The following ATP8B4 variants were observed in gnomAD, a reference collection of about 807,000 sequenced individuals.
ATP8B4 encodes the protein ATPase phospholipid transporting 8B4 (putative), also known as probable phospholipid-transporting ATPase IM.
In ATP8B4, 133 loss-of-function variants were observed where a neutral mutation model predicts 145.6. The ratio of observed to expected loss-of-function variants is 0.91; its 90% confidence interval spans 0.79 to 1.05. The LOEUF is 1.05. ATP8B4 is among the 50% of genes least tolerant of loss of function. The pLI, the probability that ATP8B4 is intolerant of heterozygous loss-of-function variation, is 0.00. For synonymous variants in ATP8B4, 507 were observed against 492.9 expected, an observed-to-expected ratio of 1.03 and a Z score of -0.38; for missense variants, 1,458 against 1,425.2, an observed-to-expected ratio of 1.02 and a Z score of -0.37.
intron 9 of ATP8B4, among the ~76,000 whole-genome samples, chr15:49,988,668 C>T (rs1009119559): frequency 6.6e-6 from 1 of 152,138 alleles, no homozygotes; most frequent in African/African-American, 2.4e-5. Context: ...GGGACTGTAT[C>T]TTTAGCGCTG....
At chr15:49,933,314 A>G (rs1332692870) in intron 15 of ATP8B4, among the ~76,000 whole-genome samples, 1 of 152,124 alleles carries the variant, frequency 6.6e-6, no homozygotes, top group African/African-American at 2.4e-5. Context: ...GAAAGAACCA[A>G]AGACCTTGTA....
chr15:49,910,084 A>G (rs2039072138), intron 20 of ATP8B4, among the ~76,000 whole-genome samples: 1 of 152,176 alleles, frequency 6.6e-6, no homozygotes, highest in Admixed American at 6.5e-5. Flanking sequence ...ACAAAGATAA[A>G]CAATACAAAG....
chr15:50,067,523 G>A (rs546930606), intron 3 of ATP8B4, among the ~76,000 whole-genome samples: 3 of 152,218 alleles, frequency 2.0e-5, no homozygotes, highest in South Asian at 2.1e-4. Flanking sequence ...AAACACTTTC[G>A]TGTACTTTGA....
At position 49,972,791 on chromosome 15, in the gene ATP8B4, C is replaced by T. The variant is rs779264994; in HGVS notation, c.1035-1G>A. On this transcript the variant is annotated splice_acceptor_variant, in intron 12 of 27. Coordinates refer to ENST00000284509, the MANE Select transcript of ATP8B4 (RefSeq NM_024837.4). LOFTEE classifies it high-confidence loss of function. ...GTGTCCTAGACGAATTACTTCCACA[C>T]TATCATCCATTAAAATGGAAAAAAA... 17 of 1,610,062 alleles carry T rather than the reference C, an allele frequency of 1.1e-5. No individual in the cohort carries two copies. The highest frequency in any genetic ancestry group is 2.2e-5 in the South Asian group (2 of 90,302).
At chr15:49,892,806 T>C (rs2036975344) in intron 23 of ATP8B4, among the ~76,000 whole-genome samples, 1 of 152,190 alleles carries the variant, frequency 6.6e-6, no homozygotes, top group South Asian at 2.1e-4. Context: ...ATGGGGACTC[T>C]AACATTCCCA....
chr15:49,909,246 C>A (rs116234645), intron 20 of ATP8B4, among the ~76,000 whole-genome samples: 114 of 152,286 alleles, frequency 7.5e-4, no homozygotes, highest in African/African-American at 2.5e-3. Flanking sequence ...ATGACCACTC[C>A]TCCCAGAGAC....
intron 1 of ATP8B4, among the ~76,000 whole-genome samples, chr15:50,171,652 G>A (rs529391420): frequency 5.6e-4 from 85 of 152,088 alleles, no homozygotes; most frequent in African/African-American, 1.9e-3. Context: ...AGGAACTAGA[G>A]AAACAAGAAC....
intron 3 of ATP8B4, among the ~76,000 whole-genome samples, chr15:50,049,575 A>T (rs762955668): frequency 6.6e-6 from 1 of 152,106 alleles, no homozygotes; most frequent in Non-Finnish European, 1.5e-5. Flanking sequence ...GGTTGACTCC[A>T]TGTCTTTGCT....
At chr15:50,044,519 G>A (rs2051568142) in intron 5 of ATP8B4, 75 bp downstream of exon 5, 1 of 1,033,312 alleles carries the variant, frequency 9.7e-7, no homozygotes, top group South Asian at 1.6e-5. Context: ...AATTTCAAAT[G>A]TATCTTCATT....
At chr15:50,130,162 T>C (rs1319321258) in intron 1 of ATP8B4, among the ~76,000 whole-genome samples, 1 of 152,134 alleles carries the variant, frequency 6.6e-6, no homozygotes, top group Non-Finnish European at 1.5e-5. Context: ...ATTTTCCACA[T>C]CTTTCAGGTC....
At chr15:49,882,790 G>C (rs767486626) in intron 23 of ATP8B4, among the ~76,000 whole-genome samples, 1 of 152,170 alleles carries the variant, frequency 6.6e-6, no homozygotes, top group East Asian at 1.9e-4. Context: ...AAGAGGTCTC[G>C]AGGAAAAGCA....
intron 2 of ATP8B4, among the ~76,000 whole-genome samples, chr15:50,085,564 G>A (rs574501961): frequency 1.1e-4 from 16 of 152,052 alleles, no homozygotes; most frequent in Non-Finnish European, 2.4e-4. Flanking sequence ...ACATCCTACG[G>A]CACCTGGCAC....
At chr15:49,943,372 C>G (rs913820092) in intron 14 of ATP8B4, among the ~76,000 whole-genome samples, 3 of 148,644 alleles carry the variant, frequency 2.0e-5, no homozygotes, top group African/African-American at 7.4e-5. Flanking sequence ...TCAAGAAGCC[C>G]AAAGATCACC....
At chr15:50,045,777 C>T (rs2051667169) in intron 4 of ATP8B4, among the ~76,000 whole-genome samples, 1 of 152,156 alleles carries the variant, frequency 6.6e-6, no homozygotes, top group Admixed American at 6.5e-5. Flanking sequence ...ACTGAACCAT[C>T]CCAAAGTTCC....
chr15:50,044,593 C>T lies in ATP8B4; in HGVS notation c.300+1G>A, dbSNP rs748466422. Reference sequence around the variant, plus strand: ...AAGAATGCTCAAGAGCAAATACTCACATAGTCATCTGTGGCATCTTTGACA... The same window carrying T: ...AAGAATGCTCAAGAGCAAATACTCATATAGTCATCTGTGGCATCTTTGACA... On this transcript the variant is annotated splice_donor_variant, in intron 5 of 27. Coordinates refer to ENST00000284509, the MANE Select transcript of ATP8B4 (RefSeq NM_024837.4). LOFTEE classifies it high-confidence loss of function. 7 of 1,600,378 alleles carry T rather than the reference C, an allele frequency of 4.4e-6. No individual in the cohort carries two copies. In the South Asian group the frequency reaches 7.7e-5, roughly 18 times the overall value.
At position 49,858,778 on chromosome 15, in the gene ATP8B4, C is replaced by A. The variant is rs919276374; in HGVS notation, c.*1416G>T. ...TTCTGGCAATTTCATTTTATCAAAGCCTTCCTCACTGACTATTTAGATTCC... is the reference window on the plus strand; with the variant it reads ...TTCTGGCAATTTCATTTTATCAAAGACTTCCTCACTGACTATTTAGATTCC... On this transcript the variant is annotated 3_prime_UTR_variant, in exon 28 of 28. Coordinates refer to ENST00000284509, the MANE Select transcript of ATP8B4 (RefSeq NM_024837.4). The A allele has an allele frequency of 6.6e-6, 1 of 152,316 alleles. No individual in the cohort carries two copies. Among genetic ancestry groups the A allele is most frequent in the East Asian group, 1.9e-4 (1 of 5,194 alleles). 9.4% of individuals were successfully genotyped at this position (152,316 alleles called of 1,614,324 possible). A position where few individuals can be genotyped will look rare whatever the true frequency, so the allele number is the denominator to read the frequency against.
At chr15:50,005,188 G>A (rs1165268411) in intron 7 of ATP8B4, among the ~76,000 whole-genome samples, 2 of 152,040 alleles carry the variant, frequency 1.3e-5, no homozygotes, top group African/African-American at 2.4e-5. Flanking sequence ...CTTCATGAAG[G>A]AACCAGTGTT....
chr15:50,054,783 C>CAAAAAAAAAAAAAAAA, intron 3 of ATP8B4, among the ~76,000 whole-genome samples: 1 of 81,838 alleles, frequency 1.2e-5, no homozygotes, highest in Non-Finnish European at 2.2e-5. Flanking sequence ...GACTCCGCCT[C>CAAAAAAAAAAAAAAAA]AAAAAAAAAA....
chr15:50,121,744 A>G (rs2057272737), upstream of ATP8B4, among the ~76,000 whole-genome samples: 1 of 152,114 alleles, frequency 6.6e-6, no homozygotes, highest in Non-Finnish European at 1.5e-5. Flanking sequence ...CAGTATGTGC[A>G]CTGTCAGAAC....
Sources: allele counts gnomAD v4.1 joint callset (sites outside exome capture counted in the v4.1 genomes callset), GRCh38; gene constraint gnomAD v4.1.1; transcripts MANE v1.5; gene names NCBI Gene and HGNC (gene_info 2026-07-23, HGNC 2026-07-21).